The following ATAD2B variants were observed in gnomAD, a reference collection of about 807,000 sequenced individuals.
ATAD2B encodes ATPase family AAA domain containing 2B, also known as ATPase family AAA domain-containing protein 2B.
ATAD2B carries 40 observed loss-of-function variants against 167.6 expected under a neutral mutation model. The observed-to-expected ratio is 0.24, with a 90% CI of 0.19 to 0.31. ATAD2B has a LOEUF of 0.31. Among genes scored for constraint, ATAD2B ranks in the 10% least tolerant of loss-of-function variants. The pLI is 1.00. For missense variants in ATAD2B, 1,242 were observed against 1,757.2 expected, an observed-to-expected ratio of 0.71 and a Z score of 5.24; for synonymous variants, 579 against 596.5, an observed-to-expected ratio of 0.97 and a Z score of 0.43.
At chr2:23,740,016 C>A in the ATAD2B span, among the ~76,000 whole-genome samples, 9 of 152,172 alleles carry the variant, frequency 5.9e-5, no homozygotes, top group Admixed American at 4.6e-4. Flanking sequence ...AGTTGAACCT[C>A]TGAATAGACC....
chr2:23,685,369 T>G, the ATAD2B span: 1 of 152,296 alleles, frequency 6.6e-6, no homozygotes, highest in Non-Finnish European at 1.5e-5. Flanking sequence ...AGGGTAACGC[T>G]CACGTTTCTC....
At chr2:23,761,119 T>G (rs1052172680) in intron 24 of ATAD2B, among the ~76,000 whole-genome samples, 3 of 152,226 alleles carry the variant, frequency 2.0e-5, no homozygotes, top group African/African-American at 7.2e-5. Flanking sequence ...AAGTTTAAAT[T>G]AGAGTACTAC....
At chr2:23,893,250 T>G (rs1369762364) in intron 2 of ATAD2B, among the ~76,000 whole-genome samples, 3 of 152,186 alleles carry the variant, frequency 2.0e-5, no homozygotes, top group Non-Finnish European at 2.9e-5. Context: ...TAGTGGTCTT[T>G]GCAAAGTTCT....
At chr2:23,789,260 C>T (rs1681291445) in intron 19 of ATAD2B, among the ~76,000 whole-genome samples, 1 of 152,146 alleles carries the variant, frequency 6.6e-6, no homozygotes, top group Admixed American at 6.5e-5. Flanking sequence ...TTTACCTACT[C>T]AGACTTTGAC....
At chr2:23,873,576 A>G (rs1696333369) in intron 8 of ATAD2B, among the ~76,000 whole-genome samples, 1 of 152,194 alleles carries the variant, frequency 6.6e-6, no homozygotes, top group African/African-American at 2.4e-5. Context: ...AATTAATTAT[A>G]ATACCTAATA....
chr2:23,775,021 G>C (rs138232131), intron 22 of ATAD2B, among the ~76,000 whole-genome samples: 1 of 152,030 alleles, frequency 6.6e-6, no homozygotes, highest in South Asian at 2.1e-4. Flanking sequence ...AATCAGCTTC[G>C]AGTCTAAAAT....
At chr2:23,888,259 C>T in intron 3 of ATAD2B, 91 bp downstream of exon 3, 2 of 908,864 alleles carry the variant, frequency 2.2e-6, no homozygotes, top group Non-Finnish European at 3.4e-6. Context: ...GCTCAGCACA[C>T]TATTAAATCA....
chr2:23,684,400 A>T, the ATAD2B span: 1 of 1,525,540 alleles, frequency 6.6e-7, no homozygotes, highest in Non-Finnish European at 8.8e-7. The surrounding 1 kb of genome is among the most constrained non-coding windows in gnomAD (Gnocchi z 4.4). Context: ...GTTCTGCAGA[A>T]ATGTTGAAGG....
intron 17 of ATAD2B, among the ~76,000 whole-genome samples, chr2:23,817,086 T>C (rs1686559815): frequency 6.6e-6 from 1 of 152,166 alleles, no homozygotes; most frequent in Non-Finnish European, 1.5e-5. Flanking sequence ...AAAAAGACTA[T>C]ATGTTGCCCA....
chr2:23,707,048 C>A, the ATAD2B span: 1 of 163,250 alleles, frequency 6.1e-6, no homozygotes, highest in Non-Finnish European at 1.3e-5. Flanking sequence ...CAACATTAGG[C>A]ATCAGGCTCT....
chr2:23,712,536 C>T, the ATAD2B span, among the ~76,000 whole-genome samples: 3 of 152,094 alleles, frequency 2.0e-5, no homozygotes, highest in Non-Finnish European at 4.4e-5. Flanking sequence ...ATCACAGCCT[C>T]GGCCTGGGAG....
chr2:23,680,381 A>G, the ATAD2B span, among the ~76,000 whole-genome samples: 1 of 152,170 alleles, frequency 6.6e-6, no homozygotes, highest in African/African-American at 2.4e-5. This position sits in a 1 kb window ranked among gnomAD's most constrained non-coding sequence, Gnocchi z 4.1. Flanking sequence ...GGAAAGGGGC[A>G]AAGAGGCCTG....
At chr2:23,785,254 AG>A (rs1680651631) in intron 21 of ATAD2B, among the ~76,000 whole-genome samples, 1 of 152,120 alleles carries the variant, frequency 6.6e-6, no homozygotes, top group African/African-American at 2.4e-5. Flanking sequence ...TTTTAAAAAA[AG>A]AAATGAATAA....
chr2:23,905,887 C>A (rs932683039), intron 1 of ATAD2B, among the ~76,000 whole-genome samples: 2 of 152,056 alleles, frequency 1.3e-5, no homozygotes, highest in Non-Finnish European at 2.9e-5. Flanking sequence ...AAATTTAACT[C>A]CTTAAATTAG....
chr2:23,741,339 T>A, the ATAD2B span, among the ~76,000 whole-genome samples: 1 of 152,178 alleles, frequency 6.6e-6, no homozygotes, highest in African/African-American at 2.4e-5. Flanking sequence ...AGCATGGTAC[T>A]GGTACCAAAA....
chr2:23,740,157 T>G, the ATAD2B span, among the ~76,000 whole-genome samples: 1 of 152,176 alleles, frequency 6.6e-6, no homozygotes, highest in South Asian at 2.1e-4. Context: ...TCTGAAACTA[T>G]TCCAATCAAT....
At chr2:23,881,604 A>AC (rs1052293727) in intron 6 of ATAD2B, among the ~76,000 whole-genome samples, 107 of 150,556 alleles carry the variant, frequency 7.1e-4, no homozygotes, top group Non-Finnish European at 1.0e-3. Flanking sequence ...CTGGTGATCA[A>AC]CCCCCCTCGG....
At chr2:23,911,293 AC>A (rs576313059) in intron 1 of ATAD2B, among the ~76,000 whole-genome samples, 10 of 151,884 alleles carry the variant, frequency 6.6e-5, no homozygotes, top group South Asian at 2.1e-4. Flanking sequence ...AGTGGCTTAC[AC>A]CTGTAATCCC....
intron 13 of ATAD2B, among the ~76,000 whole-genome samples, chr2:23,854,199 C>T: frequency 6.6e-6 from 1 of 151,828 alleles, no homozygotes; most frequent in East Asian, 1.9e-4. Context: ...GAGCTGAGAT[C>T]GCGCGACTGC....
Sources: allele counts gnomAD v4.1 joint callset (sites outside exome capture counted in the v4.1 genomes callset), GRCh38; gene constraint gnomAD v4.1.1; non-coding constraint Gnocchi (gnomAD v3.1); transcripts MANE v1.5; gene names NCBI Gene and HGNC (gene_info 2026-07-23, HGNC 2026-07-21).